The following KLHL8 variants were observed in gnomAD, a reference collection of about 807,000 sequenced individuals.
KLHL8 encodes kelch like family member 8.
KLHL8 carries 38 observed loss-of-function variants against 63.5 expected under a neutral mutation model. The ratio of observed to expected loss-of-function variants is 0.60; its 90% CI spans 0.46 to 0.78. KLHL8 has a LOEUF of 0.78. KLHL8 is among the 30% of genes least tolerant of loss of function. The pLI, the probability that KLHL8 is intolerant of heterozygous loss-of-function variation, is 0.00. For missense variants in KLHL8, 566 were observed against 752.4 expected (o/e 0.75, Z 2.90); for synonymous variants, 224 against 254.3 (o/e 0.88, Z 1.13).
intron 2 of KLHL8, among the ~76,000 whole-genome samples, chr4:87,190,532 T>C (rs959795837): frequency 3.3e-4 from 50 of 151,600 alleles, no homozygotes; most frequent in African/African-American, 9.7e-4. Context: ...TAATCCCAGC[T>C]ACTCGGGGGG....
At chr4:87,185,185 A>C (rs1731201867) in intron 3 of KLHL8, 66 bp downstream of exon 3, 1 of 1,359,338 alleles carries the variant, frequency 7.4e-7, no homozygotes, top group Non-Finnish European at 1.0e-6. Flanking sequence ...TTTCCTAATA[A>C]ATGAAGCATG....
At chr4:87,205,100 C>A (rs183762478) in intron 1 of KLHL8, among the ~76,000 whole-genome samples, 19 of 152,282 alleles carry the variant, frequency 1.2e-4, no homozygotes, top group African/African-American at 4.6e-4. Flanking sequence ...GATAAATCAG[C>A]CCATAAAAAT....
intron 6 of KLHL8, among the ~76,000 whole-genome samples, chr4:87,172,278 T>C (rs1435734380): frequency 6.6e-6 from 1 of 152,168 alleles, no homozygotes; most frequent in East Asian, 1.9e-4. Flanking sequence ...AACAGTCCTA[T>C]AGCCACAAGG....
chr4:87,196,280 AGAT>A (rs1731699012), intron 1 of KLHL8, among the ~76,000 whole-genome samples: 1 of 152,198 alleles, frequency 6.6e-6, no homozygotes, highest in African/African-American at 2.4e-5. Flanking sequence ...CCCACTTAAC[AGAT>A]GATAACAATT....
upstream of KLHL8, among the ~76,000 whole-genome samples, chr4:87,224,916 AT>A (rs1334809850): frequency 6.6e-6 from 1 of 151,454 alleles, no homozygotes; most frequent in Non-Finnish European, 1.5e-5. Context: ...TTTTGTTTTT[AT>A]TTTGTTAAAG....
intron 1 of KLHL8, among the ~76,000 whole-genome samples, chr4:87,226,241 G>A (rs1732972188): frequency 6.6e-6 from 1 of 152,086 alleles, no homozygotes; most frequent in Non-Finnish European, 1.5e-5. Context: ...TACGATGTCT[G>A]TGAAAAGTAC....
chr4:87,217,520 T>G (rs1453577604), intron 1 of KLHL8, among the ~76,000 whole-genome samples: 1 of 147,692 alleles, frequency 6.8e-6, no homozygotes, highest in Admixed American at 6.6e-5. Flanking sequence ...CGTTTGTTTG[T>G]TTTTTTGTAG....
rs1312166754 is a variant in KLHL8, at chr4:87,160,486, A to G, written c.*3033T>C. On this transcript the variant is annotated 3_prime_UTR_variant, in exon 10 of 10. Transcript: ENST00000273963. ...ACCATTTACAAGAATAGTTTATGCAATTTCAAGAAGTCCTTACCAAGGCAT... is the reference window on the plus strand; with the variant it reads ...ACCATTTACAAGAATAGTTTATGCAGTTTCAAGAAGTCCTTACCAAGGCAT... 6.6e-6 allele frequency: 1 copy of G among 152,216 alleles called. No homozygotes were observed. The highest frequency in any genetic ancestry group is 1.5e-5 in the Non-Finnish European group (1 of 68,020). 9.4% of individuals were successfully genotyped at this position (152,216 alleles called of 1,614,324 possible). A position where few individuals can be genotyped will look rare whatever the true frequency, so the allele number is the denominator to read the frequency against.
chr4:87,195,254 GTTACAGAAACCCCCA>G, intron 2 of KLHL8, 55 bp downstream of exon 2: 1 of 1,292,686 alleles, frequency 7.7e-7, no homozygotes, highest in Non-Finnish European at 1.1e-6. Flanking sequence ...GCCTTGTATG[GTTACAGAAACCCCCA>G]TTTCTCATAT....
intron 8 of KLHL8, among the ~76,000 whole-genome samples, chr4:87,166,089 T>C (rs1730389007): frequency 6.6e-6 from 1 of 152,246 alleles, no homozygotes; most frequent in Admixed American, 6.5e-5. Context: ...ATAAGAACTT[T>C]GGATTCACAG....
chr4:87,170,861 C>T (rs558198468), intron 6 of KLHL8, among the ~76,000 whole-genome samples: 153 of 152,116 alleles, frequency 1.0e-3, no homozygotes, highest in Non-Finnish European at 1.8e-3. Context: ...CTACTTTAAA[C>T]TCAAAACAAT....
At chr4:87,217,093 T>C (rs1732624741) in intron 1 of KLHL8, among the ~76,000 whole-genome samples, 1 of 152,146 alleles carries the variant, frequency 6.6e-6, no homozygotes, top group African/African-American at 2.4e-5. Flanking sequence ...TAAAAGCTCC[T>C]CAAAACAGAG....
intron 7 of KLHL8, 82 bp downstream of exon 7, chr4:87,170,365 G>A: frequency 7.0e-7 from 1 of 1,429,390 alleles, no homozygotes; most frequent in Non-Finnish European, 9.6e-7. Context: ...CTTCATACTG[G>A]TGATGATATA....
chr4:87,222,103 C>T (rs769281293), upstream of KLHL8, among the ~76,000 whole-genome samples: 14 of 152,238 alleles, frequency 9.2e-5, no homozygotes, highest in Admixed American at 3.3e-4. Flanking sequence ...CTGAATTTCC[C>T]TTATCTGCCT....
In KLHL8 at chr4:87,161,704, T is replaced by G. The variant is rs1449549452; in HGVS notation, c.*1815A>C. The G allele has an allele frequency of 7.9e-5, 12 of 152,220 alleles. No homozygotes were observed. Among genetic ancestry groups the G allele is most frequent in the Admixed American group, 7.8e-4 (12 of 15,290 alleles). 9.4% of individuals were successfully genotyped at this position (152,220 alleles called of 1,614,324 possible). A position where few individuals can be genotyped will look rare whatever the true frequency, so the allele number is the denominator to read the frequency against. ...AGACATTGAAGCCAGGTTTTGACAC[T>G]TATTCTCCACATCCAGCCAGTTGTC... is the stretch of plus-strand genomic sequence containing the variant. On this transcript the variant is annotated 3_prime_UTR_variant, in exon 10 of 10. Transcript: ENST00000273963.
At chr4:87,211,715 G>A (rs143763166) in intron 1 of KLHL8, among the ~76,000 whole-genome samples, 1 of 152,270 alleles carries the variant, frequency 6.6e-6, no homozygotes, top group East Asian at 1.9e-4. Flanking sequence ...GCAATGAGCC[G>A]AGATCACTGA....
chr4:87,167,747 G>A (rs967152084), intron 8 of KLHL8: 10 of 302,098 alleles, frequency 3.3e-5, no homozygotes, highest in Non-Finnish European at 6.6e-6. Context: ...CTGAGCTGAG[G>A]AGTAGTCTGT....
intron 1 of KLHL8, among the ~76,000 whole-genome samples, chr4:87,212,729 G>A (rs1351227663): frequency 6.6e-6 from 1 of 152,094 alleles, no homozygotes; most frequent in East Asian, 1.9e-4. Context: ...TATTTTTGCT[G>A]TACCTTTTCT....
chr4:87,180,941 G>C (rs1731026920), intron 4 of KLHL8, among the ~76,000 whole-genome samples: 1 of 152,074 alleles, frequency 6.6e-6, no homozygotes, highest in African/African-American at 2.4e-5. Flanking sequence ...GGGGCTGAGG[G>C]AGGAGGACTG....
Sources: gnomAD v4.1 joint callset for allele counts (sites outside exome capture counted in the v4.1 genomes callset) on GRCh38, gnomAD v4.1.1 for gene constraint, MANE v1.5 for transcripts, NCBI Gene and HGNC (gene_info 2026-07-23, HGNC 2026-07-21) for gene names.